SNX27: variants seen among roughly 807,000 people sequenced by gnomAD.
The protein encoded by SNX27 is sorting nexin 27, also known as sorting nexin-27.
A neutral mutation model predicts 71.6 loss-of-function variants in SNX27; 22 were observed. That is an observed-to-expected ratio of 0.31 (90% CI 0.22 to 0.44). SNX27 has a LOEUF of 0.44. Ranked by LOEUF, SNX27 falls within the 20% of genes least tolerant of loss-of-function variation. The pLI, the probability that SNX27 is intolerant of heterozygous loss-of-function variation, is 1.00. For missense variants in SNX27, 531 were observed against 698.6 expected (o/e 0.76, Z 2.70); for synonymous variants, 269 against 277.2 (o/e 0.97, Z 0.29).
chr1:151,617,531 G>A (rs1294252903), intron 1 of SNX27, among the ~76,000 whole-genome samples: 1 of 152,128 alleles, frequency 6.6e-6, no homozygotes, highest in Non-Finnish European at 1.5e-5. Flanking sequence ...TGATCAGCCC[G>A]CCTCGGCCTC....
intron 1 of SNX27, chr1:151,614,335 T>C (rs1209138855): frequency 6.6e-6 from 1 of 152,232 alleles, no homozygotes; most frequent in Non-Finnish European, 1.5e-5. Flanking sequence ...TATTCTTTTT[T>C]TTTCCTTGAG....
chr1:151,636,857 A>T (rs562513201), intron 1 of SNX27, among the ~76,000 whole-genome samples: 1 of 152,006 alleles, frequency 6.6e-6, no homozygotes, highest in Non-Finnish European at 1.5e-5. Context: ...TAAGATTTCC[A>T]TTTCTTCTTT....
intron 8 of SNX27, among the ~76,000 whole-genome samples, chr1:151,685,853 T>G (rs1262548662): frequency 6.6e-6 from 1 of 152,244 alleles, no homozygotes; most frequent in Non-Finnish European, 1.5e-5. Context: ...ATGTTCTACG[T>G]ATCAGCAGGC....
At chr1:151,632,959 C>T (rs1436360629) in intron 1 of SNX27, among the ~76,000 whole-genome samples, 1 of 152,060 alleles carries the variant, frequency 6.6e-6, no homozygotes, top group Non-Finnish European at 1.5e-5. Context: ...GCAAGCTCCA[C>T]CTCCCGGGTT....
At chr1:151,618,241 A>G (rs981512461) in intron 1 of SNX27, among the ~76,000 whole-genome samples, 1 of 152,108 alleles carries the variant, frequency 6.6e-6, no homozygotes, top group Non-Finnish European at 1.5e-5. Flanking sequence ...ACTATTTTAT[A>G]TCTTTATTTA....
At position 151,662,266 on chromosome 1, in the gene SNX27, A is replaced by G. The variant is rs779181525; in HGVS notation, c.902A>G (p.Tyr301Cys). 1.9e-6 allele frequency: 3 copies of G among 1,600,686 alleles called. No individual in the cohort carries two copies. Among genetic ancestry groups the G allele is most frequent in the Non-Finnish European group, 8.6e-7 (1 of 1,168,218 alleles). Residue 301 changes from tyrosine to cysteine, a missense_variant, in exon 5 of 12, where the codon TAT becomes TGT. By Grantham distance (194) the Tyr-to-Cys change is radical (BLOSUM62 -2). This residue lies in a region of SNX27 where 184 missense variants were observed against 289.6 expected (regional missense o/e 0.64). Transcript: ENST00000458013. ...VKKNSTTDQV[Y>C]QAIAAKVGMD... is the part of the protein sequence containing the mutation. ...AAGAACAGTACTACAGACCAAGTATATCAGGTAAATTAAATGAACACGTAG... is the reference window on the plus strand; with the variant it reads ...AAGAACAGTACTACAGACCAAGTATGTCAGGTAAATTAAATGAACACGTAG...
intron 1 of SNX27, chr1:151,615,639 T>C (rs1455301919): frequency 2.1e-6 from 2 of 961,972 alleles, no homozygotes; most frequent in African/African-American, 3.5e-5. Context: ...TAGGGATAGG[T>C]GGATTATCAT....
At chr1:151,652,063 A>G (rs971429095) in intron 2 of SNX27, among the ~76,000 whole-genome samples, 1 of 151,956 alleles carries the variant, frequency 6.6e-6, no homozygotes, top group African/African-American at 2.4e-5. Flanking sequence ...TGGCGGCGCG[A>G]GCCTGCAATC....
At chr1:151,628,992 A>T (rs1272585008) in intron 1 of SNX27, among the ~76,000 whole-genome samples, 4 of 152,160 alleles carry the variant, frequency 2.6e-5, no homozygotes, top group Non-Finnish European at 5.9e-5. Context: ...AATAAAGTTC[A>T]ACTTAGCAAT....
At chr1:151,621,413 C>G (rs369038347) in intron 1 of SNX27, among the ~76,000 whole-genome samples, 1 of 152,162 alleles carries the variant, frequency 6.6e-6, no homozygotes, top group East Asian at 1.9e-4. Context: ...TCCACTGATA[C>G]GAAAACATCT....
At chr1:151,629,460 CGT>C (rs1172563155) in intron 1 of SNX27, 6 of 70,052 alleles carry the variant, frequency 8.6e-5, no homozygotes, top group African/African-American at 2.9e-4. Context: ...TGTATATATA[CGT>C]ATATATACAT....
intron 2 of SNX27, among the ~76,000 whole-genome samples, chr1:151,641,226 A>G (rs1414900953): frequency 6.6e-6 from 1 of 152,174 alleles, no homozygotes; most frequent in Non-Finnish European, 1.5e-5. Context: ...GTATATACCA[A>G]GAAGTGGAAT....
Position 151,672,658 on chromosome 1 carries a change from C to T in SNX27, c.1149+4023C>T, listed in dbSNP as rs964469670. 3.9e-5 allele frequency among the ~76,000 whole-genome samples: 6 copies of T among 152,022 alleles called. 1 individual carries two copies. The highest frequency in any genetic ancestry group is 4.2e-4 in the South Asian group (2 of 4,812). ...TTTACTGGAGACTTTATTATGGCTT[C>T]GATCTTGTTGCTTGTTATTAGTATG... is the stretch of plus-strand genomic sequence containing the variant. On this transcript the variant is annotated intron_variant, in intron 7 of 11. Transcript: ENST00000458013.
intron 1 of SNX27, among the ~76,000 whole-genome samples, chr1:151,633,966 A>G (rs1196347): frequency 0.9 from 136,151 of 150,922 alleles, 62,398 homozygotes; most frequent in Non-Finnish European, 0.99. Flanking sequence ...GTAGATGTGT[A>G]TGTGTGTTTT....
Position 151,612,218 on chromosome 1 carries a change from G to T in SNX27, c.17G>T (p.Gly6Val), listed in dbSNP as rs954308263. 7 of 1,370,862 alleles carry T rather than the reference G, an allele frequency of 5.1e-6. No homozygotes were observed. The African/African-American group carries it at 1.1e-4, about 21-fold the overall frequency. 84.9% of individuals were successfully genotyped at this position (1,370,862 alleles called of 1,614,324 possible). A position where few individuals can be genotyped will look rare whatever the true frequency, so the allele number is the denominator to read the frequency against. Residue 6 changes from glycine (G) to valine (V), a missense_variant, in exon 1 of 12, where the codon GGG becomes GTG. This residue lies in a region of SNX27 where 130 missense variants were observed against 143.5 expected (regional missense o/e 0.91). Coordinates refer to ENST00000458013, the MANE Select transcript of SNX27 (RefSeq NM_001330723.2). This position sits in a 1 kb window ranked among gnomAD's most constrained non-coding sequence, Gnocchi z 5.2. ...GCTCGCAAGATGGCGGACGAGGACG[G>T]GGAAGGGATTCATCCCTCAGCCCCT... MADED[G>V]EGIHPSAPHR...
intron 7 of SNX27, among the ~76,000 whole-genome samples, chr1:151,675,395 A>T (rs947711710): frequency 3.9e-5 from 6 of 152,232 alleles, no homozygotes; most frequent in African/African-American, 1.2e-4. Flanking sequence ...CTTTATATGG[A>T]TGTATAATTT....
At chr1:151,615,773 G>T (rs59880767) in intron 1 of SNX27, 3 of 984,348 alleles carry the variant, frequency 3.0e-6, no homozygotes, top group Middle Eastern at 5.2e-4. Flanking sequence ...AACAATTTTC[G>T]TATTTTTCAG....
At position 151,612,083 on chromosome 1, in the gene SNX27, C is replaced by T; in HGVS notation, c.-119C>T. ...CCAGCAGCTCGGTGGCCGAGTCGGTCCCGCGGCCGGCGGATCGGGCGCGCG... is the reference window on the plus strand; with the variant it reads ...CCAGCAGCTCGGTGGCCGAGTCGGTTCCGCGGCCGGCGGATCGGGCGCGCG... On this transcript the variant is annotated 5_prime_UTR_variant, in exon 1 of 12. Coordinates refer to ENST00000458013, the MANE Select transcript of SNX27 (RefSeq NM_001330723.2). The surrounding 1 kb of genome is among the most constrained non-coding windows in gnomAD (Gnocchi z 5.2). The T allele has an allele frequency of 8.7e-7, 1 of 1,146,044 alleles. No homozygotes were observed. The highest frequency in any genetic ancestry group is 1.1e-6 in the Non-Finnish European group (1 of 890,102). 71.0% of individuals were successfully genotyped at this position (1,146,044 alleles called of 1,614,324 possible). A position where few individuals can be genotyped will look rare whatever the true frequency, so the allele number is the denominator to read the frequency against.
intron 4 of SNX27, among the ~76,000 whole-genome samples, chr1:151,661,943 T>G (rs888644464): frequency 2.6e-5 from 4 of 152,240 alleles, no homozygotes; most frequent in African/African-American, 7.2e-5. Flanking sequence ...TGTGAACACG[T>G]TGGCTTCAAC....
Sources: gnomAD v4.1 joint callset for allele counts (sites outside exome capture counted in the v4.1 genomes callset) on GRCh38, gnomAD v4.1.1 for gene constraint, gnomAD v4.1.1 regional missense constraint, Gnocchi (gnomAD v3.1) non-coding constraint, MANE v1.5 for transcripts, NCBI Gene and HGNC (gene_info 2026-07-23, HGNC 2026-07-21) for gene names.